FAM124B: variants seen among roughly 807,000 people sequenced by gnomAD.
FAM124B encodes the protein protein FAM124B.
In FAM124B, 18 loss-of-function variants were observed where a neutral mutation model predicts 19.7. That is an observed-to-expected ratio of 0.92 (90% confidence interval 0.63 to 1.36). FAM124B has a LOEUF of 1.36. FAM124B is among the 40% of genes most tolerant of loss of function. FAM124B has a pLI of 0.00. For missense variants in FAM124B, 540 were observed against 553.3 expected, an observed-to-expected ratio of 0.98 and a Z score of 0.24; for synonymous variants, 223 against 225.2, an observed-to-expected ratio of 0.99 and a Z score of 0.09.
rs556411233 is a variant in FAM124B at position 224,379,986 on chromosome 2, G to A, written c.955C>T (p.Arg319Trp). 3.3e-4 allele frequency: 518 copies of A among 1,551,730 alleles called. No homozygotes were observed. The highest frequency in any genetic ancestry group is 4.3e-4 in the Non-Finnish European group (497 of 1,147,006). Residue 319 changes from arginine to tryptophan, a missense_variant, in exon 2 of 2, where the codon CGG (arginine) becomes TGG (tryptophan). Transcript: ENST00000409685. ...GCTGGGCTGCTGACCTGGAATGACCGGCCAGGGCTTTTCCACGAAGTGCCA... is the reference window on the plus strand; with the variant it reads ...GCTGGGCTGCTGACCTGGAATGACCAGCCAGGGCTTTTCCACGAAGTGCCA... Reference protein sequence around the residue: ...CAGTSWKSPGRSFQVSSPAMG... With the variant: ...CAGTSWKSPGWSFQVSSPAMG...
chr2:224,394,957 C>G (rs192000916), intron 1 of FAM124B, among the ~76,000 whole-genome samples: 217 of 152,322 alleles, frequency 1.4e-3, no homozygotes, highest in Non-Finnish European at 1.8e-3. Context: ...AGAACACCCA[C>G]CCAAAGGCTA....
intron 1 of FAM124B, among the ~76,000 whole-genome samples, chr2:224,385,939 G>C (rs1044815983): frequency 6.6e-6 from 1 of 152,138 alleles, no homozygotes; most frequent in African/African-American, 2.4e-5. Context: ...TCCAATGGAA[G>C]TCCCCACATA....
At chr2:224,381,897 T>C (rs770977677) in intron 1 of FAM124B, among the ~76,000 whole-genome samples, 2 of 152,176 alleles carry the variant, frequency 1.3e-5, no homozygotes, top group Non-Finnish European at 2.9e-5. Context: ...ATATTTATCT[T>C]ACAAGGCAAG....
intron 1 of FAM124B, among the ~76,000 whole-genome samples, chr2:224,395,267 A>G (rs1316042931): frequency 1.3e-5 from 2 of 152,202 alleles, no homozygotes; most frequent in East Asian, 1.9e-4. Flanking sequence ...TTGAAAAAAA[A>G]TCTATAAAAA....
chr2:224,388,996 G>A (rs368472405), intron 1 of FAM124B, among the ~76,000 whole-genome samples: 5 of 152,144 alleles, frequency 3.3e-5, no homozygotes, highest in African/African-American at 1.2e-4. Context: ...GCTGTGGCAC[G>A]ATCTCAGCTT....
chr2:224,390,506 T>C (rs1689863103), intron 1 of FAM124B, among the ~76,000 whole-genome samples: 3 of 151,764 alleles, frequency 2.0e-5, no homozygotes, highest in Admixed American at 6.6e-5. Flanking sequence ...CGAGGGCCTC[T>C]GGTAACAGAA....
chr2:224,395,352 C>T (rs1179073720), intron 1 of FAM124B, among the ~76,000 whole-genome samples: 1 of 152,186 alleles, frequency 6.6e-6, no homozygotes, highest in African/African-American at 2.4e-5. Context: ...ACTAGAGATA[C>T]TGCAGCATGT....
chr2:224,395,726 T>C (rs902931942), intron 1 of FAM124B, among the ~76,000 whole-genome samples: 4 of 152,188 alleles, frequency 2.6e-5, no homozygotes, highest in African/African-American at 9.7e-5. Flanking sequence ...TTTGATATGC[T>C]CATATCGCTG....
intron 1 of FAM124B, among the ~76,000 whole-genome samples, chr2:224,398,356 C>T (rs1223897393): frequency 1.3e-5 from 2 of 152,120 alleles, no homozygotes; most frequent in Non-Finnish European, 2.9e-5. Context: ...CCTCAGCCTC[C>T]CAAAGTGCTA....
intron 1 of FAM124B, chr2:224,399,888 TGA>T (rs1305803082): frequency 2.0e-5 from 3 of 152,208 alleles, no homozygotes; most frequent in Non-Finnish European, 4.4e-5. Flanking sequence ...TAAGTAAGTA[TGA>T]GAGAGGAAGA....
rs570839932 is a variant in FAM124B, at chr2:224,393,667, G to T, written c.732+7370C>A. ...GGCCTGGAGCACCTCCAGGAGAAGTGGGTAAAGAAGACTTGGAGGAGACCT... is the reference window on the plus strand; with the variant it reads ...GGCCTGGAGCACCTCCAGGAGAAGTTGGTAAAGAAGACTTGGAGGAGACCT... On this transcript the variant is annotated intron_variant, in intron 1 of 1. Coordinates refer to ENST00000409685, the MANE Select transcript of FAM124B (RefSeq NM_001122779.2). Among the ~76,000 whole-genome samples the T allele has an allele frequency of 3.9e-5, 6 of 152,166 alleles. No individual in the cohort carries two copies. In the South Asian group the frequency reaches 1.2e-3, roughly 32 times the overall value.
rs1382064335 is a variant in FAM124B at position 224,384,922 on chromosome 2, TC to T, written c.733-4715del. 2.6e-4 allele frequency among the ~76,000 whole-genome samples: 40 copies of T among 152,146 alleles called. 1 individual carries two copies. Among genetic ancestry groups the T allele is most frequent in the Admixed American group, 3.9e-4 (6 of 15,274 alleles). ...TAATCTCTCTCCCTCTCCTTCTCTT[TC>T]TCTCTCTCTGCCTATTCCTTTCCAA... On this transcript the variant is annotated intron_variant, in intron 1 of 1. Coordinates refer to ENST00000409685, the MANE Select transcript of FAM124B (RefSeq NM_001122779.2).
chr2:224,400,845 C>T (rs1690055701), intron 1 of FAM124B, among the ~76,000 whole-genome samples, 192 bp downstream of exon 1: 1 of 152,162 alleles, frequency 6.6e-6, no homozygotes, highest in Non-Finnish European at 1.5e-5. Flanking sequence ...ATCCAAGAAG[C>T]TGTAAAAAAG....
intron 1 of FAM124B, among the ~76,000 whole-genome samples, chr2:224,393,404 G>A (rs1689919361): frequency 6.6e-6 from 1 of 152,186 alleles, no homozygotes; most frequent in South Asian, 2.1e-4. Context: ...TCCTGCCCAG[G>A]TTGCAAGAAT....
chr2:224,391,310 C>A (rs1689883912), intron 1 of FAM124B, among the ~76,000 whole-genome samples: 1 of 144,716 alleles, frequency 6.9e-6, no homozygotes. Context: ...CACTGCACTC[C>A]AGTCCAGGTG....
At chr2:224,380,629 G>T (rs560401812) in intron 1 of FAM124B, among the ~76,000 whole-genome samples, 2 of 152,256 alleles carry the variant, frequency 1.3e-5, no homozygotes, top group African/African-American at 4.8e-5. Flanking sequence ...GTTAAGATAA[G>T]GATTGAAGTA....
At chr2:224,383,332 T>C (rs1224827722) in intron 1 of FAM124B, among the ~76,000 whole-genome samples, 1 of 152,132 alleles carries the variant, frequency 6.6e-6, no homozygotes, top group Non-Finnish European at 1.5e-5. Flanking sequence ...AGTCTGTTTC[T>C]TATCACATAC....
In FAM124B at chr2:224,401,656, T is replaced by A. The variant is rs745687776; in HGVS notation, c.113A>T (p.Glu38Val). 1 of 1,614,174 alleles carries A rather than the reference T, an allele frequency of 6.2e-7. No individual in the cohort carries two copies. The highest frequency in any genetic ancestry group is 8.5e-7 in the Non-Finnish European group (1 of 1,180,046). ...TTCAGACACCTGAAAGAGCCGGACCTCTGGGCAAATGCAATCCAGGAGCTG... is the reference window on the plus strand; with the variant it reads ...TTCAGACACCTGAAAGAGCCGGACCACTGGGCAAATGCAATCCAGGAGCTG... ...LDQLLDCICPEVRLFQVSERA... is the reference protein window; with the variant it reads ...LDQLLDCICPVVRLFQVSERA... Residue 38 changes from glutamate (E) to valine (V), a missense_variant, in exon 1 of 2, where the codon GAG becomes GTG. By Grantham distance (121) the Glu-to-Val change is moderately radical. Coordinates refer to ENST00000409685, the MANE Select transcript of FAM124B (RefSeq NM_001122779.2).
At position 224,383,888 on chromosome 2, in the gene FAM124B, T is replaced by C. The variant is rs545288330; in HGVS notation, c.733-3680A>G. On this transcript the variant is annotated intron_variant, in intron 1 of 1. Transcript: ENST00000409685. ...TAGAAATGGAAACTGGCATGGATAT[T>C]TCCATACTGAGAAATGGTTCAGGGT... Among the ~76,000 whole-genome samples the C allele has an allele frequency of 1.2e-3, 179 of 152,326 alleles. 1 individual carries two copies. Among genetic ancestry groups the C allele is most frequent in the Middle Eastern group, 0.01 (3 of 294 alleles).
Sources: gnomAD v4.1 joint callset for allele counts (sites outside exome capture counted in the v4.1 genomes callset) on GRCh38, gnomAD v4.1.1 for gene constraint, MANE v1.5 for transcripts, NCBI Gene and HGNC (gene_info 2026-07-23, HGNC 2026-07-21) for gene names.